The following RALGPS1 variants were observed in gnomAD, a reference collection of about 807,000 sequenced individuals.
RALGPS1 encodes Ral GEF with PH domain and SH3 binding motif 1.
A neutral mutation model predicts 78.8 loss-of-function variants in RALGPS1; 19 were observed. The observed-to-expected ratio is 0.24, with a 90% CI of 0.17 to 0.35. The LOEUF (loss-of-function observed/expected upper bound fraction) is 0.35. Ranked by LOEUF, RALGPS1 falls within the 10% of genes least tolerant of loss-of-function variation. The pLI is 1.00. For missense variants in RALGPS1, 454 were observed against 688.3 expected (o/e 0.66, Z 3.81); for synonymous variants, 228 against 256.3 (o/e 0.89, Z 1.06).
chr9:127,151,589 G>A (rs1008062115), intron 8 of RALGPS1, among the ~76,000 whole-genome samples: 15 of 152,174 alleles, frequency 9.9e-5, no homozygotes, highest in African/African-American at 3.6e-4. Context: ...AGGGTCAGGG[G>A]TCACTTTTAT....
intron 4 of RALGPS1, among the ~76,000 whole-genome samples, chr9:127,008,140 CA>C (rs5900742): frequency 0.64 from 79,537 of 124,316 alleles, 24,892 homozygotes; most frequent in East Asian, 0.74. Context: ...GGAGACTGGT[CA>C]AAAAAAAAAA....
chr9:126,996,948 T>C (rs1366178339), intron 4 of RALGPS1, among the ~76,000 whole-genome samples: 4 of 152,194 alleles, frequency 2.6e-5, no homozygotes, highest in African/African-American at 9.7e-5. Flanking sequence ...ATTATCTCAA[T>C]AGATGCAGAA....
chr9:126,957,855 A>T (rs2038483985), intron 1 of RALGPS1, among the ~76,000 whole-genome samples: 1 of 151,754 alleles, frequency 6.6e-6, no homozygotes, highest in African/African-American at 2.4e-5. Context: ...AGTATCCTGG[A>T]TAAGTGTGGT....
At chr9:127,019,544 G>C (rs1297131689) in intron 4 of RALGPS1, among the ~76,000 whole-genome samples, 1 of 152,080 alleles carries the variant, frequency 6.6e-6, no homozygotes, top group African/African-American at 2.4e-5. Context: ...AGTCAGGATG[G>C]TCTCGATCTC....
intron 4 of RALGPS1, among the ~76,000 whole-genome samples, chr9:126,996,634 A>G (rs908035784): frequency 6.6e-6 from 1 of 152,256 alleles, no homozygotes; most frequent in Non-Finnish European, 1.5e-5. Flanking sequence ...TCCTTCTGAA[A>G]CTATTCCAAT....
At position 126,958,987 on chromosome 9, in the gene RALGPS1, TGTG is replaced by T. The variant is rs1212934478; in HGVS notation, c.-65-3235_-65-3233del. Among the ~76,000 whole-genome samples, 3 of 152,212 alleles carry T rather than the reference TGTG, an allele frequency of 2.0e-5. No individual in the cohort carries two copies. The East Asian group carries it at 5.8e-4, about 29-fold the overall frequency. ...ATTATAGCCATCCTGGTAGGTGTGA[TGTG>T]GTATCTCATTATGGTTTCATTTGTG... On this transcript the variant is annotated intron_variant, in intron 1 of 18. Coordinates refer to ENST00000259351, the MANE Select transcript of RALGPS1 (RefSeq NM_014636.3).
In RALGPS1 at chr9:127,090,246, C is replaced by G. The variant is rs148788019; in HGVS notation, c.610+20890C>G. On this transcript the variant is annotated intron_variant, in intron 8 of 18. Transcript: ENST00000259351. Reference sequence around the variant, plus strand: ...ACCTTGCCAGCTACTGATTTTGCTGCTGGCTAGATCTGAGTTTGGATCATA... The same window carrying G: ...ACCTTGCCAGCTACTGATTTTGCTGGTGGCTAGATCTGAGTTTGGATCATA... 3.3e-4 allele frequency among the ~76,000 whole-genome samples: 50 copies of G among 152,340 alleles called. 3 individuals carry two copies. In the East Asian group the frequency reaches 9.5e-3, roughly 29 times the overall value.
chr9:127,091,794 C>T lies in RALGPS1; in HGVS notation c.610+22438C>T, dbSNP rs2052511012. 6.2e-7 allele frequency: 1 copy of T among 1,614,154 alleles called. No individual in the cohort carries two copies. On this transcript the variant is annotated intron_variant, in intron 8 of 18. Coordinates refer to ENST00000259351, the MANE Select transcript of RALGPS1 (RefSeq NM_014636.3). This position sits in a 1 kb window ranked among gnomAD's most constrained non-coding sequence, Gnocchi z 4.3. ...GCTTATAATACTCGCTCTCAGGTTC[C>T]AGGCGGAAACTGGCGTATTCTGCAA...
chr9:127,159,918 T>C (rs1031041077), intron 8 of RALGPS1, among the ~76,000 whole-genome samples: 13 of 152,014 alleles, frequency 8.6e-5, no homozygotes, highest in African/African-American at 2.9e-4. Context: ...ATCTCAAACT[T>C]TGAAAAAGGG....
chr9:126,915,943 T>C (rs1218158687), intron 1 of RALGPS1, among the ~76,000 whole-genome samples: 1 of 152,122 alleles, frequency 6.6e-6, no homozygotes, highest in Non-Finnish European at 1.5e-5. Context: ...GGCAGCCTGT[T>C]AAGTGGGGAG....
At chr9:126,947,506 C>G (rs563232947) in intron 1 of RALGPS1, among the ~76,000 whole-genome samples, 1 of 152,286 alleles carries the variant, frequency 6.6e-6, no homozygotes, top group African/African-American at 2.4e-5. Flanking sequence ...ATCTGAAACA[C>G]TTCTGGTCCC....
intron 1 of RALGPS1, among the ~76,000 whole-genome samples, chr9:126,923,925 T>C (rs1386468514): frequency 1.3e-5 from 2 of 152,278 alleles, no homozygotes; most frequent in African/African-American, 4.8e-5. Flanking sequence ...AGTTTATTTC[T>C]TTAATGTATC....
In RALGPS1 at chr9:127,166,138, A is replaced by G. The variant is rs1470007475; in HGVS notation, c.680A>G (p.Glu227Gly). 3 of 1,613,622 alleles carry G rather than the reference A, an allele frequency of 1.9e-6. No individual in the cohort carries two copies. The South Asian group carries it at 3.3e-5, about 18-fold the overall frequency. ...GCCTCAGGCAGTATCATGGAAAATG[A>G]ACAAAGATCCAATCAGATGAACAAT... ...YPASGSIMEN[E>G]QRSNQMNNIL... Residue 227 changes from glutamate to glycine, a missense_variant, in exon 9 of 19, where the codon GAA (glutamate) becomes GGA (glycine). Transcript: ENST00000259351.
intron 11 of RALGPS1, among the ~76,000 whole-genome samples, chr9:127,186,039 T>C (rs983883027): frequency 2.0e-5 from 3 of 152,210 alleles, no homozygotes; most frequent in Admixed American, 1.3e-4. Context: ...CCTGAGTCTT[T>C]GGCATCACTG....
chr9:126,941,168 G>T (rs1025994216), intron 1 of RALGPS1, among the ~76,000 whole-genome samples: 1 of 151,520 alleles, frequency 6.6e-6, no homozygotes, highest in East Asian at 1.9e-4. Flanking sequence ...TCTAGTTGTG[G>T]GGGGGGGTTG....
At chr9:126,992,760 T>C (rs2042391877) in intron 4 of RALGPS1, among the ~76,000 whole-genome samples, 1 of 152,250 alleles carries the variant, frequency 6.6e-6, no homozygotes, top group Admixed American at 6.5e-5. Context: ...GTATAGGCCT[T>C]ATACATCTTT....
Position 127,211,098 on chromosome 9 carries a change from G to A in RALGPS1, c.1248-1033G>A, listed in dbSNP as rs1436238298. Reference sequence around the variant, plus strand: ...AGGGACAGCATGGGCTATGAGGCAGGAAGAGCTGGGTGATTCGAGTGAAGG... The same window carrying A: ...AGGGACAGCATGGGCTATGAGGCAGAAAGAGCTGGGTGATTCGAGTGAAGG... On this transcript the variant is annotated intron_variant, in intron 14 of 18. Transcript: ENST00000259351. The surrounding 1 kb of genome is among the most constrained non-coding windows in gnomAD (Gnocchi z 5.0). Among the ~76,000 whole-genome samples the A allele has an allele frequency of 6.6e-6, 1 of 152,278 alleles. No homozygotes were observed. Among genetic ancestry groups the A allele is most frequent in the East Asian group, 1.9e-4 (1 of 5,200 alleles).
At chr9:127,065,392 G>A (rs1241898664) in intron 7 of RALGPS1, among the ~76,000 whole-genome samples, 10 of 152,022 alleles carry the variant, frequency 6.6e-5, no homozygotes, top group East Asian at 3.9e-4. Flanking sequence ...GATTACAGGC[G>A]TGAGCCACTG....
chr9:126,978,457 G>A (rs55981847), intron 4 of RALGPS1, among the ~76,000 whole-genome samples: 57,412 of 151,746 alleles, frequency 0.38, 12,650 homozygotes, highest in Non-Finnish European at 0.48. Flanking sequence ...GTGTGTGTGC[G>A]TGTGAGATCA....
Sources: allele counts gnomAD v4.1 joint callset (sites outside exome capture counted in the v4.1 genomes callset), GRCh38; gene constraint gnomAD v4.1.1; non-coding constraint Gnocchi (gnomAD v3.1); transcripts MANE v1.5; gene names NCBI Gene and HGNC (gene_info 2026-07-23, HGNC 2026-07-21).